Variants in TOP1 observed in about 807,000 individuals in gnomAD.
TOP1 encodes DNA topoisomerase I, also known as DNA topoisomerase 1.
Under a neutral mutation model 111.1 loss-of-function variants are expected in TOP1, and 10 were observed. The observed-to-expected ratio is 0.09, with a 90% CI of 0.06 to 0.15. The LOEUF (loss-of-function observed/expected upper bound fraction) is 0.15. Among genes scored for constraint, TOP1 ranks in the 10% least tolerant of loss-of-function variants. The pLI is 1.00. For synonymous variants in TOP1, 271 were observed against 302.9 expected, an observed-to-expected ratio of 0.89 and a Z score of 1.10; for missense variants, 474 against 926.7, an observed-to-expected ratio of 0.51 and a Z score of 6.34.
chr20:41,042,194 GC>G (rs2033275773), intron 2 of TOP1, among the ~76,000 whole-genome samples: 1 of 152,144 alleles, frequency 6.6e-6, no homozygotes, highest in Admixed American at 6.5e-5. Context: ...ACAGTAGTGA[GC>G]CACCGTGCCC....
At chr20:41,042,645 A>G (rs2033281565) in intron 2 of TOP1, among the ~76,000 whole-genome samples, 1 of 152,252 alleles carries the variant, frequency 6.6e-6, no homozygotes, top group Non-Finnish European at 1.5e-5. Flanking sequence ...AAAGCAGTAT[A>G]GTTGACGCTT....
intron 2 of TOP1, among the ~76,000 whole-genome samples, chr20:41,056,373 A>G (rs1245799456): frequency 6.6e-6 from 1 of 152,148 alleles, no homozygotes; most frequent in Admixed American, 6.5e-5. Flanking sequence ...GAAATTACAA[A>G]TTTACTGAGT....
chr20:41,088,697 G>T (rs543892406), intron 8 of TOP1, among the ~76,000 whole-genome samples: 1 of 152,122 alleles, frequency 6.6e-6, no homozygotes, highest in African/African-American at 2.4e-5. Context: ...TAGACTGTAG[G>T]ATTGGGTGGT....
intron 2 of TOP1, among the ~76,000 whole-genome samples, chr20:41,048,092 TAAAAAA>T (rs57371417): frequency 8.0e-6 from 1 of 125,636 alleles, no homozygotes; most frequent in Non-Finnish European, 1.7e-5. Flanking sequence ...GGCTATAAAT[TAAAAAA>T]AAAAAAAAAA....
intron 2 of TOP1, among the ~76,000 whole-genome samples, chr20:41,045,749 A>G (rs2033325832): frequency 1.3e-5 from 2 of 152,212 alleles, no homozygotes; most frequent in East Asian, 1.9e-4. Flanking sequence ...TCAATATCCT[A>G]CTATAAGTGG....
intron 2 of TOP1, among the ~76,000 whole-genome samples, chr20:41,054,510 C>CTAGA (rs1555803395): frequency 1.3e-5 from 2 of 152,142 alleles, no homozygotes; most frequent in Non-Finnish European, 2.9e-5. Context: ...ATACAGATAC[C>CTAGA]TAGATACCCA....
intron 4 of TOP1, 26 bp from the exon 5 acceptor site, chr20:41,077,556 C>T (rs1568687004): frequency 6.2e-7 from 1 of 1,603,250 alleles, no homozygotes; most frequent in Non-Finnish European, 8.5e-7. Context: ...TTTCAAGGTA[C>T]TAGTTACTGT....
chr20:41,032,516 A>G lies in TOP1; in HGVS notation c.58+3061A>G, dbSNP rs2033133451. On this transcript the variant is annotated intron_variant, in intron 2 of 20. Transcript: ENST00000361337. This position sits in a 1 kb window ranked among gnomAD's most constrained non-coding sequence, Gnocchi z 4.3. ...AGCTATCTGTAGAATTGATAATGGT[A>G]ATACCAGGTTAAAGTGTTAGCGATT... Among the ~76,000 whole-genome samples the G allele has an allele frequency of 1.3e-5, 2 of 152,234 alleles. No individual in the cohort carries two copies. The highest frequency in any genetic ancestry group is 4.8e-5 in the African/African-American group (2 of 41,458).
chr20:41,035,720 GT>G (rs1419710570), intron 2 of TOP1, among the ~76,000 whole-genome samples: 1 of 152,170 alleles, frequency 6.6e-6, no homozygotes, highest in Non-Finnish European at 1.5e-5. Flanking sequence ...AAAGTTCTTT[GT>G]TGAAGGTTAG....
chr20:41,073,168 G>A (rs2033686690), intron 3 of TOP1: 1 of 985,336 alleles, frequency 1.0e-6, no homozygotes, highest in Non-Finnish European at 1.2e-6. Context: ...GAAAACCGCA[G>A]GGCTACATGT....
intron 2 of TOP1, among the ~76,000 whole-genome samples, chr20:41,048,587 C>T (rs1377051103): frequency 1.3e-5 from 2 of 152,176 alleles, no homozygotes; most frequent in Non-Finnish European, 2.9e-5. Context: ...AGGAGTTGCT[C>T]TAAGCGTGTC....
At position 41,029,442 on chromosome 20, in the gene TOP1, T is replaced by C. The variant is rs145138122; in HGVS notation, c.45T>C (p.Asp15=). 6 of 1,496,754 alleles carry C rather than the reference T, an allele frequency of 4.0e-6. No individual in the cohort carries two copies. Among genetic ancestry groups the C allele is most frequent in the Non-Finnish European group, 4.5e-6 (5 of 1,121,408 alleles). 92.7% of individuals were successfully genotyped at this position (1,496,754 alleles called of 1,614,324 possible). ...HLHNDSQIEA[D]FRLNDSHKHK... ...TTTTCTTTTTCCAGATCGAAGCGGA[T>C]TTCCGATTGAATGGTGAGTGTGCCC... The change falls in exon 2 of 21, where the codon GAT becomes GAC. Residue 15 remains aspartate (D), a synonymous_variant. Coordinates refer to ENST00000361337, the MANE Select transcript of TOP1 (RefSeq NM_003286.4). This position sits in a 1 kb window ranked among gnomAD's most constrained non-coding sequence, Gnocchi z 6.1.
At chr20:41,037,578 T>G (rs2033204803) in intron 2 of TOP1, among the ~76,000 whole-genome samples, 1 of 152,186 alleles carries the variant, frequency 6.6e-6, no homozygotes. Flanking sequence ...GTGTGAGAAT[T>G]TAGTACCAAA....
At chr20:41,089,006 C>T (rs1481935276) in intron 8 of TOP1, among the ~76,000 whole-genome samples, 2 of 125,634 alleles carry the variant, frequency 1.6e-5, no homozygotes, top group African/African-American at 6.4e-5. Flanking sequence ...CCCCACTTCT[C>T]TGTTGCCCCA....
intron 2 of TOP1, among the ~76,000 whole-genome samples, chr20:41,040,393 A>G (rs1245332561): frequency 2.0e-5 from 3 of 152,264 alleles, no homozygotes; most frequent in African/African-American, 7.2e-5. Flanking sequence ...AATACCAGAA[A>G]TGAAGAAACA....
intron 2 of TOP1, among the ~76,000 whole-genome samples, chr20:41,055,227 A>G (rs942627880): frequency 6.6e-6 from 1 of 152,236 alleles, no homozygotes; most frequent in Non-Finnish European, 1.5e-5. Context: ...TTTTCTGATG[A>G]TTTAATGTGC....
intron 14 of TOP1, 126 bp from the exon 15 acceptor site, chr20:41,113,844 T>C (rs908150301): frequency 1.1e-5 from 8 of 724,328 alleles, no homozygotes; most frequent in African/African-American, 3.6e-5. Flanking sequence ...AATTGCGCCA[T>C]TGCACTCTAG....
chr20:41,077,450 G>C (rs949496173), intron 4 of TOP1, 132 bp from the exon 5 acceptor site: 18 of 703,518 alleles, frequency 2.6e-5, no homozygotes, highest in Admixed American at 4.6e-5. Context: ...TAGTTCATCT[G>C]TTCAGTTTTG....
chr20:41,080,215 C>G lies in TOP1; in HGVS notation c.431+35C>G, dbSNP rs370402990. On this transcript the variant is annotated intron_variant, in intron 6 of 20. Transcript: ENST00000361337. The surrounding 1 kb of genome is among the most constrained non-coding windows in gnomAD (Gnocchi z 5.0). ...TTCTTAAAACTTTGACTTTTGAAAA[C>G]AAAAAGGAGGAGTTTAAAGAATAAA... 7 of 1,268,642 alleles carry G rather than the reference C, an allele frequency of 5.5e-6. No individual in the cohort carries two copies. Among genetic ancestry groups the G allele is most frequent in the Non-Finnish European group, 6.7e-6 (6 of 890,882 alleles). 78.6% of individuals were successfully genotyped at this position (1,268,642 alleles called of 1,614,324 possible). A position where few individuals can be genotyped will look rare whatever the true frequency, so the allele number is the denominator to read the frequency against.
Sources: gnomAD v4.1 joint callset for allele counts (sites outside exome capture counted in the v4.1 genomes callset) on GRCh38, gnomAD v4.1.1 for gene constraint, Gnocchi (gnomAD v3.1) non-coding constraint, MANE v1.5 for transcripts, NCBI Gene and HGNC (gene_info 2026-07-23, HGNC 2026-07-21) for gene names.